PTPRK: variants seen among roughly 807,000 people sequenced by gnomAD.
The protein encoded by PTPRK is protein tyrosine phosphatase receptor type K, also known as receptor-type tyrosine-protein phosphatase kappa.
In PTPRK, 75 loss-of-function variants were observed where a neutral mutation model predicts 178.0. The observed-to-expected ratio is 0.42, with a 90% confidence interval of 0.35 to 0.51. The LOEUF (loss-of-function observed/expected upper bound fraction) is 0.51, where lower values mean the gene tolerates loss of function less well. PTPRK is among the 20% of genes least tolerant of loss of function. PTPRK has a pLI of 0.02. For synonymous variants in PTPRK, 637 were observed against 620.6 expected (o/e 1.03, Z -0.39); for missense variants, 1,441 against 1,797.8 (o/e 0.80, Z 3.59).
intron 2 of PTPRK, among the ~76,000 whole-genome samples, chr6:128,356,399 T>G (rs1343800362): frequency 2.0e-5 from 3 of 152,220 alleles, no homozygotes; most frequent in Non-Finnish European, 2.9e-5. Flanking sequence ...TTCTGACAGC[T>G]GAAACTAGTT....
chr6:128,184,395 C>T, intron 7 of PTPRK, 37 bp downstream of exon 7: 2 of 1,593,920 alleles, frequency 1.3e-6, no homozygotes, highest in Non-Finnish European at 1.7e-6. Context: ...TGCTAGATTC[C>T]TTCACAAGGT....
chr6:128,392,136 G>T (rs901295775), intron 2 of PTPRK, among the ~76,000 whole-genome samples: 2 of 152,034 alleles, frequency 1.3e-5, no homozygotes, highest in East Asian at 3.9e-4. Flanking sequence ...CTCCATCAAG[G>T]TGGCTCCTCA....
intron 15 of PTPRK, chr6:128,003,305 T>C: frequency 3.1e-6 from 4 of 1,279,034 alleles, no homozygotes; most frequent in Admixed American, 2.0e-5. Context: ...TTCTTTAAAA[T>C]AGATTTATGC....
chr6:128,204,987 C>T (rs920571644), intron 6 of PTPRK, among the ~76,000 whole-genome samples: 1 of 152,026 alleles, frequency 6.6e-6, no homozygotes, highest in Non-Finnish European at 1.5e-5. Context: ...GCACTATTCG[C>T]AATAGCAAAG....
Position 128,048,404 on chromosome 6 carries a change from A to C in PTPRK, c.2194+16354T>G, listed in dbSNP as rs557635050. ...CACCTTCTCTGAGCAGATAAGGAAA[A>C]ATTCTCCTCAAGGTTCCGCATATGT... On this transcript the variant is annotated intron_variant, in intron 13 of 29. Coordinates refer to ENST00000368226, the MANE Select transcript of PTPRK (RefSeq NM_002844.4). 4.6e-5 allele frequency among the ~76,000 whole-genome samples: 7 copies of C among 152,192 alleles called. No homozygotes were observed. In the East Asian group the frequency reaches 9.7e-4, roughly 21 times the overall value.
Position 128,026,150 on chromosome 6 carries a change from A to G in PTPRK, c.2195-16882T>C, listed in dbSNP as rs188344781. Among the ~76,000 whole-genome samples the G allele has an allele frequency of 8.5e-5, 13 of 152,342 alleles. 1 individual carries two copies. The highest frequency in any genetic ancestry group is 7.8e-4 in the Admixed American group (12 of 15,306). On this transcript the variant is annotated intron_variant, in intron 13 of 29. Transcript: ENST00000368226. ...GATATTGAGTGGTATTGAACAAAAT[A>G]AGACAAAGAAGATCATCTGCCATAT...
At chr6:128,082,213 T>C (rs1049158936) in intron 10 of PTPRK, among the ~76,000 whole-genome samples, 2 of 152,182 alleles carry the variant, frequency 1.3e-5, no homozygotes, top group Non-Finnish European at 2.9e-5. Context: ...GTATAATTTT[T>C]TTAAGACCAC....
chr6:128,374,978 C>A (rs965079503), intron 2 of PTPRK, among the ~76,000 whole-genome samples: 1 of 151,848 alleles, frequency 6.6e-6, no homozygotes, highest in Non-Finnish European at 1.5e-5. Context: ...GCCTGGAATG[C>A]TTTTCCCCTA....
At chr6:128,029,588 T>G (rs1034227038) in intron 13 of PTPRK, among the ~76,000 whole-genome samples, 1 of 150,924 alleles carries the variant, frequency 6.6e-6, no homozygotes, top group African/African-American at 2.4e-5. Context: ...AAGCAGAGGT[T>G]GTAGTGCCAA....
intron 15 of PTPRK, chr6:128,001,254 C>T: frequency 6.8e-7 from 1 of 1,472,548 alleles, no homozygotes; most frequent in Non-Finnish European, 9.2e-7. Context: ...AAATACGAAT[C>T]AGTATGAAAA....
At chr6:128,019,369 G>A (rs982858973) in intron 13 of PTPRK, among the ~76,000 whole-genome samples, 1 of 152,008 alleles carries the variant, frequency 6.6e-6, no homozygotes, top group African/African-American at 2.4e-5. Flanking sequence ...CAATAGAGGT[G>A]TCAACCTCAA....
At chr6:128,006,706 T>C (rs1583612647) in intron 14 of PTPRK, among the ~76,000 whole-genome samples, 1 of 151,044 alleles carries the variant, frequency 6.6e-6, no homozygotes, top group South Asian at 2.1e-4. Flanking sequence ...AATGTGTTCA[T>C]GCTGTGCATG....
chr6:128,351,533 G>T (rs972829784), intron 2 of PTPRK, among the ~76,000 whole-genome samples: 1 of 152,100 alleles, frequency 6.6e-6, no homozygotes. Flanking sequence ...TTAAATGAAT[G>T]TTCCTGGTAG....
chr6:128,018,895 C>T, intron 13 of PTPRK, among the ~76,000 whole-genome samples: 1 of 151,948 alleles, frequency 6.6e-6, no homozygotes, highest in East Asian at 1.9e-4. Flanking sequence ...CTGATGGGTA[C>T]AAAACATTGT....
chr6:128,134,558 C>T (rs935959121), intron 7 of PTPRK, among the ~76,000 whole-genome samples: 3 of 152,120 alleles, frequency 2.0e-5, no homozygotes, highest in Non-Finnish European at 4.4e-5. Context: ...TGTCTGTAAT[C>T]CCAGCACTTA....
intron 13 of PTPRK, among the ~76,000 whole-genome samples, chr6:128,061,797 T>C (rs1780874129): frequency 6.6e-6 from 1 of 152,182 alleles, no homozygotes; most frequent in Admixed American, 6.5e-5. Context: ...CTCTATAATA[T>C]TCTCAGTGCT....
At chr6:128,416,789 A>G (rs973971481) in intron 1 of PTPRK, among the ~76,000 whole-genome samples, 11 of 151,882 alleles carry the variant, frequency 7.2e-5, no homozygotes, top group African/African-American at 2.2e-4. Context: ...AATAGTATAC[A>G]GGATAGATTG....
In PTPRK at chr6:127,985,717, T is replaced by C. The variant is rs768997476; in HGVS notation, c.3251+4A>G. 1.2e-6 allele frequency: 2 copies of C among 1,609,064 alleles called. No individual in the cohort carries two copies. Among genetic ancestry groups the C allele is most frequent in the Admixed American group, 3.3e-5 (2 of 59,962 alleles). ...CAGTCAATACCATTTGGACCACCAC[T>C]TACCTGCAATGTACAACGATGGGGC... On this transcript the variant is annotated splice_donor_region_variant and intron_variant, in intron 22 of 29. Transcript: ENST00000368226.
At chr6:128,482,038 G>C (rs1220397965) in intron 1 of PTPRK, among the ~76,000 whole-genome samples, 1 of 152,104 alleles carries the variant, frequency 6.6e-6, no homozygotes, top group Non-Finnish European at 1.5e-5. Flanking sequence ...AATCCTGCTT[G>C]CATGGATTTC....
Sources: allele counts gnomAD v4.1 joint callset (sites outside exome capture counted in the v4.1 genomes callset), GRCh38; gene constraint gnomAD v4.1.1; transcripts MANE v1.5; gene names NCBI Gene and HGNC (gene_info 2026-07-23, HGNC 2026-07-21).